The following POLG variants were observed in gnomAD, a reference collection of about 807,000 sequenced individuals.
The protein encoded by POLG is DNA polymerase gamma, catalytic subunit.
POLG carries 110 observed loss-of-function variants against 155.4 expected under a neutral mutation model. The observed-to-expected ratio is 0.71, with a 90% CI of 0.61 to 0.83. POLG has a LOEUF of 0.83. Among genes scored for constraint, POLG ranks in the 40% least tolerant of loss-of-function variants. POLG has a pLI of 0.00. For missense variants in POLG, 1,685 were observed against 1,627.5 expected (o/e 1.04, Z -0.61); for synonymous variants, 701 against 631.5 (o/e 1.11, Z -1.65).
At chr15:89,325,073 TGAGTGAGTGAGAGAGTGAGTGAGTGAGA>T (rs2055461777) in intron 10 of POLG, among the ~76,000 whole-genome samples, 5 of 74,374 alleles carry the variant, frequency 6.7e-5, no homozygotes, top group South Asian at 4.1e-4. Flanking sequence ...AGTGAGTGAG[TGAGTGAGTGAGAGAGTGAGTGAGTGAGA>T]GAGTGAGAGA....
rs200132079 is a variant in POLG, at chr15:89,333,610, G to C, written c.145C>G (p.Gln49Glu). The C allele has an allele frequency of 2.9e-4, 464 of 1,598,622 alleles. 2 individuals carry two copies. Among genetic ancestry groups the C allele is most frequent in the Non-Finnish European group, 1.0e-5 (12 of 1,174,502 alleles). Residue 49 changes from glutamine (Q) to glutamate (E), a missense_variant, in exon 2 of 23, where the codon CAG becomes GAG. By Grantham distance (29) the Gln-to-Glu change is conservative. Around this residue, in one of 3 missense-constraint regions of POLG, gnomAD observed 1,210 missense variants for 1,167.1 expected, o/e 1.04. Transcript: ENST00000268124. ...TGAGGCTGCTGTTGCTGCTGCTGCT[G>C]CTGCTGCTGCTGCTGCTGCCGCCGC... ...QRRRQQQQQQ[Q>E]QQQQQQPQQP...
chr15:89,332,950 A>C lies in POLG; in HGVS notation c.659+146T>G, dbSNP rs1015593526. On this transcript the variant is annotated intron_variant, in intron 2 of 22. Transcript: ENST00000268124. ...CCCACCAGAAAGTGAGTCCCACATA[A>C]ACAGGGGTCTAGTCCTAATTCAACA... 15 of 1,077,354 alleles carry C rather than the reference A, an allele frequency of 1.4e-5. No homozygotes were observed. In the South Asian group the frequency reaches 2.0e-4, roughly 14 times the overall value. 66.7% of individuals were successfully genotyped at this position (1,077,354 alleles called of 1,614,324 possible). A position where few individuals can be genotyped will look rare whatever the true frequency, so the allele number is the denominator to read the frequency against.
intron 14 of POLG, among the ~76,000 whole-genome samples, chr15:89,322,245 G>C (rs1054236810): frequency 6.6e-6 from 1 of 152,190 alleles, no homozygotes; most frequent in South Asian, 2.1e-4. Context: ...GCGAGCTTCC[G>C]CTCCTCTCCG....
Position 89,330,250 on chromosome 15 carries a change from A to G in POLG, c.686T>C (p.Val229Ala). 6.2e-7 allele frequency: 1 copy of G among 1,610,690 alleles called. No individual in the cohort carries two copies. Among genetic ancestry groups the G allele is most frequent in the Non-Finnish European group, 8.5e-7 (1 of 1,179,714 alleles). Reference protein sequence around the residue: ...AWYSWCSQRLVEERYSWTSQL... With the variant: ...AWYSWCSQRLAEERYSWTSQL... ...GCTGGTCCAAGAGTAACGCTCTTCC[A>G]CCAGCCGCTGGCTGCACCAGGAATA... The change falls in exon 3 of 23, where the codon GTG becomes GCG. Residue 229 changes from valine (V) to alanine (A), a missense_variant. By Grantham distance (64) the Val-to-Ala change is moderately conservative. Coordinates refer to ENST00000268124, the MANE Select transcript of POLG (RefSeq NM_002693.3).
rs763824242 is a variant in POLG, at chr15:89,323,505, G to A, written c.2164C>T (p.Arg722Cys). 80 of 1,607,736 alleles carry A rather than the reference G, an allele frequency of 5.0e-5. No homozygotes were observed. The highest frequency in any genetic ancestry group is 1.6e-4 in the Middle Eastern group (1 of 6,078). ...VPGQPLALTA[R>C]GGPKDTQPSY... ...GGCTGGGTGTCCTTGGGGCCACCAC[G>A]GGCAGTCTGTGAGGGCCACACACCT... The change falls in exon 13 of 23, where the codon CGT becomes TGT. Residue 722 changes from arginine to cysteine, a missense_variant. Transcript: ENST00000268124.
intron 1 of POLG, chr15:89,334,421 C>G (rs1006073405): frequency 3.3e-5 from 5 of 151,762 alleles, no homozygotes; most frequent in African/African-American, 1.2e-4. Flanking sequence ...TTCGAACCCG[C>G]AGGGTGGGCC....
intron 9 of POLG, 123 bp downstream of exon 9, chr15:89,326,489 T>C (rs370572933): frequency 2.2e-5 from 24 of 1,073,980 alleles, no homozygotes; most frequent in East Asian, 1.2e-4. Context: ...TGTGACTGAA[T>C]GGCAGCAGGT....
Position 89,333,863 on chromosome 15 carries a change from C to G in POLG, c.-109G>C. On this transcript the variant is annotated 5_prime_UTR_variant, in exon 2 of 23. Transcript: ENST00000268124. Reference sequence around the variant, plus strand: ...TGGAGAGAGACACGTCCTGTCTCTGCTCTCCTGTCAGTGAAATGGGTTTGA... The same window carrying G: ...TGGAGAGAGACACGTCCTGTCTCTGGTCTCCTGTCAGTGAAATGGGTTTGA... 10 of 1,308,124 alleles carry G rather than the reference C, an allele frequency of 7.6e-6. No individual in the cohort carries two copies. Among genetic ancestry groups the G allele is most frequent in the Non-Finnish European group, 1.1e-5 (10 of 943,298 alleles). 81.0% of individuals were successfully genotyped at this position (1,308,124 alleles called of 1,614,324 possible). A position where few individuals can be genotyped will look rare whatever the true frequency, so the allele number is the denominator to read the frequency against.
At chr15:89,317,693 ACT>A (rs2055319540) in intron 21 of POLG, 157 bp from the exon 22 acceptor site, 1 of 726,520 alleles carries the variant, frequency 1.4e-6, no homozygotes, top group Non-Finnish European at 2.4e-6. Flanking sequence ...AAGGTCCAGC[ACT>A]GTTTTCCATC....
chr15:89,331,935 A>G (rs1028490993), intron 2 of POLG, among the ~76,000 whole-genome samples: 1 of 152,194 alleles, frequency 6.6e-6, no homozygotes, highest in Non-Finnish European at 1.5e-5. Context: ...GAGGGAAAGG[A>G]GAGGTAAAAA....
At position 89,317,408 on chromosome 15, in the gene POLG, G is replaced by C. The variant is rs1242973021; in HGVS notation, c.3611C>G (p.Thr1204Ser). ...TMDCKTPSNP[T>S]GMERRYGIPQ... is the part of the protein sequence containing the mutation. ...AATCCCGTATCTCCTTTCCATCCCA[G>C]TTGGGTTGGAAGGGGTTTTACAATC... The change falls in exon 22 of 23, where the codon ACT becomes AGT. Residue 1204 changes from threonine to serine, a missense_variant. Coordinates refer to ENST00000268124, the MANE Select transcript of POLG (RefSeq NM_002693.3). The C allele has an allele frequency of 6.2e-7, 1 of 1,613,836 alleles. No homozygotes were observed. The highest frequency in any genetic ancestry group is 1.1e-5 in the South Asian group (1 of 91,066).
In POLG at chr15:89,316,421, C is replaced by T. The variant is rs758856471; in HGVS notation, c.*330G>A. The T allele has an allele frequency of 2.5e-6, 4 of 1,611,622 alleles. No individual in the cohort carries two copies. Among genetic ancestry groups the T allele is most frequent in the Non-Finnish European group, 2.5e-6 (3 of 1,178,654 alleles). On this transcript the variant is annotated 3_prime_UTR_variant, in exon 23 of 23. Transcript: ENST00000268124. ...GGGCACTGCATCAGAGCATGGGGGA[C>T]AGAACAAAGAACCAGCCAAGAAGAA...
chr15:89,331,177 A>G (rs1213352194), intron 2 of POLG, among the ~76,000 whole-genome samples: 1 of 152,212 alleles, frequency 6.6e-6, no homozygotes, highest in Admixed American at 6.5e-5. Flanking sequence ...AACAGATTCA[A>G]CACACATAAA....
At chr15:89,324,737 C>T (rs2055446931) in intron 10 of POLG, among the ~76,000 whole-genome samples, 1 of 152,256 alleles carries the variant, frequency 6.6e-6, no homozygotes, top group Admixed American at 6.5e-5. Flanking sequence ...TCAACCAAGC[C>T]TTTGTCAACT....
intron 18 of POLG, 94 bp from the exon 19 acceptor site, chr15:89,319,444 TA>T (rs2055361975): frequency 6.5e-7 from 1 of 1,529,920 alleles, no homozygotes; most frequent in Non-Finnish European, 8.9e-7. Context: ...CTTCAACTTT[TA>T]AAAACACTGA....
intron 18 of POLG, 52 bp from the exon 19 acceptor site, chr15:89,319,402 C>CTAGT: frequency 6.2e-7 from 1 of 1,608,456 alleles, no homozygotes; most frequent in Non-Finnish European, 8.5e-7. Context: ...CTGTGCCACG[C>CTAGT]TAGTGCCTTG....
Position 89,322,695 on chromosome 15 carries a change from G to T in POLG, c.2426+47C>A, listed in dbSNP as rs779151800. ...AGGGTTAGTCAGGGGTCCCTGGGTG[G>T]GAAGAGAGGGGAAAGGCATCCCAGG... On this transcript the variant is annotated intron_variant, in intron 14 of 22. Transcript: ENST00000268124. 6.3e-6 allele frequency: 10 copies of T among 1,597,154 alleles called. No homozygotes were observed. The African/African-American group carries it at 8.0e-5, about 13-fold the overall frequency.
chr15:89,325,173 AGTGAGAGAGT>A (rs2055482148), intron 10 of POLG, among the ~76,000 whole-genome samples: 1 of 97,582 alleles, frequency 1.0e-5, no homozygotes, highest in Admixed American at 9.6e-5. Context: ...TGAGTGAGAG[AGTGAGAGAGT>A]GAGTGAGTGA....
chr15:89,333,814 G>T lies in POLG; in HGVS notation c.-60C>A. On this transcript the variant is annotated 5_prime_UTR_variant, in exon 2 of 23. Transcript: ENST00000268124. ...ACACCTGGCTTTGGGCTCCAGCTTG[G>T]CTTCTTTTACTGGCTGGAAGACGTG... The T allele has an allele frequency of 6.5e-7, 1 of 1,527,668 alleles. No individual in the cohort carries two copies. The highest frequency in any genetic ancestry group is 8.8e-7 in the Non-Finnish European group (1 of 1,140,094). 94.6% of individuals were successfully genotyped at this position (1,527,668 alleles called of 1,614,324 possible).
Sources: gnomAD v4.1 joint callset for allele counts (sites outside exome capture counted in the v4.1 genomes callset) on GRCh38, gnomAD v4.1.1 for gene constraint, gnomAD v4.1.1 regional missense constraint, MANE v1.5 for transcripts, NCBI Gene and HGNC (gene_info 2026-07-23, HGNC 2026-07-21) for gene names.